PCDH11X: variants seen among roughly 807,000 people sequenced by gnomAD.
PCDH11X encodes the protein protocadherin-11 X-linked.
PCDH11X carries 18 observed loss-of-function variants against 53.3 expected under a neutral mutation model. That is an observed-to-expected ratio of 0.34 (90% CI 0.23 to 0.50). The LOEUF (loss-of-function observed/expected upper bound fraction) is 0.50. PCDH11X is among the 20% of genes least tolerant of loss of function. The probability of loss-of-function intolerance (pLI) is 0.98; values close to 1 mark genes in which losing one functional copy is unlikely to be tolerated. For synonymous variants in PCDH11X, 279 were observed against 393.3 expected (o/e 0.71, Z 3.44); for missense variants, 570 against 1,032.4 (o/e 0.55, Z 6.14).
rs756253605 is a variant in PCDH11X, at chrX:91,976,717, G to A, written c.3033+97444G>A. Among the ~76,000 whole-genome samples the A allele has an allele frequency of 3.1e-3, 340 of 110,543 alleles. 3 individuals are homozygous for A. Among genetic ancestry groups the A allele is most frequent in the Non-Finnish European group, 5.0e-3 (266 of 52,836 alleles). On this transcript the variant is annotated intron_variant, in intron 6 of 10. Coordinates refer to ENST00000682573, the MANE Select transcript of PCDH11X (RefSeq NM_032968.5). ...TCAGTTAGCTTATTCATTAATCACCGATACATATGAGACATTCTATATTTA... is the reference window on the plus strand; with the variant it reads ...TCAGTTAGCTTATTCATTAATCACCAATACATATGAGACATTCTATATTTA...
chrX:91,868,128 C>A (rs1939090535), intron 5 of PCDH11X, among the ~76,000 whole-genome samples: 1 of 112,102 alleles, frequency 8.9e-6, no homozygotes, highest in Non-Finnish European at 1.9e-5. Flanking sequence ...GTCATTCACC[C>A]ACTATAGCAT....
chrX:91,999,605 TAG>T (rs1378439464), intron 6 of PCDH11X, among the ~76,000 whole-genome samples: 6 of 94,468 alleles, frequency 6.4e-5, no homozygotes, highest in Non-Finnish European at 1.2e-4. Flanking sequence ...TTTAAAATAA[TAG>T]AGTCAGTAGA....
At chrX:91,832,358 CT>C (rs1367122824) in intron 4 of PCDH11X, among the ~76,000 whole-genome samples, 1 of 109,342 alleles carries the variant, frequency 9.1e-6, no homozygotes, top group Non-Finnish European at 1.9e-5. Context: ...AAGGATGAAG[CT>C]GGAAACCATC....
intron 8 of PCDH11X, among the ~76,000 whole-genome samples, chrX:92,354,112 A>G: frequency 1.1e-5 from 1 of 93,529 alleles, no homozygotes; most frequent in Middle Eastern, 5.4e-3. Context: ...TAAGATCATC[A>G]GTCCACTCCT....
intron 1 of PCDH11X, among the ~76,000 whole-genome samples, chrX:91,805,671 T>TAAAA (rs1556186635): frequency 4.7e-5 from 5 of 105,857 alleles, no homozygotes; most frequent in Admixed American, 4.1e-4. Flanking sequence ...TTTTTTTTTT[T>TAAAA]AAATTAGCTC....
chrX:92,580,258 C>T (rs184861766), intron 10 of PCDH11X, among the ~76,000 whole-genome samples: 3 of 108,198 alleles, frequency 2.8e-5, no homozygotes, highest in Non-Finnish European at 5.7e-5. Flanking sequence ...ACCCTGGATG[C>T]CCCTTGGCCG....
At chrX:92,480,806 G>A (rs1027352139) in intron 10 of PCDH11X, among the ~76,000 whole-genome samples, 5 of 111,906 alleles carry the variant, frequency 4.5e-5, no homozygotes, top group African/African-American at 1.6e-4. Context: ...GTCAGTGGCA[G>A]TGGGATCTGT....
intron 9 of PCDH11X, among the ~76,000 whole-genome samples, chrX:92,399,773 G>A (rs2071341127): frequency 9.2e-6 from 1 of 108,852 alleles, no homozygotes; most frequent in Admixed American, 1.0e-4. Context: ...ACGGAGTCTC[G>A]TTCTGTTGCC....
chrX:91,959,710 ATGT>A (rs1185779424), intron 6 of PCDH11X, among the ~76,000 whole-genome samples: 1 of 98,021 alleles, frequency 1.0e-5, no homozygotes, highest in African/African-American at 3.7e-5. Flanking sequence ...ATCAACTGAC[ATGT>A]TGTTTCCATA....
At chrX:92,518,892 G>A (rs929359690) in intron 10 of PCDH11X, among the ~76,000 whole-genome samples, 13 of 107,533 alleles carry the variant, frequency 1.2e-4, no homozygotes, top group Non-Finnish European at 2.1e-4. Flanking sequence ...GAGTAGCTGG[G>A]ACTACAAGTG....
intron 7 of PCDH11X, among the ~76,000 whole-genome samples, chrX:92,236,624 G>C (rs2067175986): frequency 9.0e-6 from 1 of 111,413 alleles, no homozygotes. Context: ...TAAAGAACTA[G>C]TAAGAATCAA....
At position 92,206,281 on chromosome X, in the gene PCDH11X, A is replaced by G. The variant is rs773372735; in HGVS notation, c.3114+4826A>G. On this transcript the variant is annotated intron_variant, in intron 7 of 10. Transcript: ENST00000682573. Reference sequence around the variant, plus strand: ...AAATAAAATACTTATTTCATGAATAAACTTTTATGGTTTCTTATGAAATAT... The same window carrying G: ...AAATAAAATACTTATTTCATGAATAGACTTTTATGGTTTCTTATGAAATAT... 3.6e-5 allele frequency among the ~76,000 whole-genome samples: 4 copies of G among 111,767 alleles called. No homozygotes were observed. In the East Asian group the frequency reaches 1.1e-3, roughly 32 times the overall value.
Position 91,828,171 on chromosome X carries a change from G to A in PCDH11X, c.-44-7290G>A, listed in dbSNP as rs2905833. ...GTCTCGCTCTGTCACCCAGGCTGGA[G>A]TGCAGTGGAGCGATCTCAGCTCACT... On this transcript the variant is annotated intron_variant, in intron 4 of 10. Coordinates refer to ENST00000682573, the MANE Select transcript of PCDH11X (RefSeq NM_032968.5). Among the ~76,000 whole-genome samples the A allele has an allele frequency of 6.8e-3, 681 of 100,764 alleles. 8 individuals are homozygous for A. Among genetic ancestry groups the A allele is most frequent in the African/African-American group, 0.021 (556 of 26,005 alleles). The allele number at this position is 100,764 out of a possible 115,157, so 87.5% of individuals were successfully genotyped here.
chrX:92,133,028 G>A (rs986809781), intron 6 of PCDH11X, among the ~76,000 whole-genome samples: 6 of 110,222 alleles, frequency 5.4e-5, no homozygotes, highest in South Asian at 7.7e-4. Context: ...TTTCTTAAGT[G>A]GAAAAGTGCA....
chrX:91,868,243 T>C (rs1040938879), intron 5 of PCDH11X, among the ~76,000 whole-genome samples: 4 of 112,160 alleles, frequency 3.6e-5, no homozygotes, highest in African/African-American at 1.3e-4. Flanking sequence ...AGATACGAAC[T>C]ATTCTTACAA....
chrX:92,427,698 G>A (rs1261605282), intron 9 of PCDH11X, among the ~76,000 whole-genome samples: 5 of 49,323 alleles, frequency 1.0e-4, no homozygotes, highest in Non-Finnish European at 1.8e-4. Flanking sequence ...CTCTTCCAAT[G>A]GAAAATATTT....
At chrX:91,821,917 A>C (rs2147585611) in intron 4 of PCDH11X, among the ~76,000 whole-genome samples, 1 of 99,033 alleles carries the variant, frequency 1.0e-5, no homozygotes, top group Admixed American at 1.0e-4. Context: ...CCTTTTCTGC[A>C]TCTATTGAGA....
intron 9 of PCDH11X, among the ~76,000 whole-genome samples, chrX:92,402,454 C>T (rs1296547007): frequency 9.0e-6 from 1 of 110,870 alleles, no homozygotes; most frequent in Admixed American, 9.6e-5. Flanking sequence ...CCAGTGGAAC[C>T]GAATAGAGAG....
chrX:92,301,734 C>T (rs1398799901), intron 8 of PCDH11X, among the ~76,000 whole-genome samples: 1 of 109,725 alleles, frequency 9.1e-6, no homozygotes, highest in Non-Finnish European at 1.9e-5. Flanking sequence ...GCTTCCTTTT[C>T]TTGTGTTGTC....
Sources: allele counts gnomAD v4.1 joint callset (sites outside exome capture counted in the v4.1 genomes callset), GRCh38; gene constraint gnomAD v4.1.1; transcripts MANE v1.5; gene names NCBI Gene and HGNC (gene_info 2026-07-23, HGNC 2026-07-21).